Variants in GAS2 observed in about 807,000 individuals in gnomAD.
GAS2 encodes the protein growth arrest-specific protein 2.
Under a neutral mutation model 37.5 loss-of-function variants are expected in GAS2, and 20 were observed. That is an observed-to-expected ratio of 0.53 (90% CI 0.37 to 0.77). GAS2 has a LOEUF of 0.77. GAS2 is among the 30% of genes least tolerant of loss of function. GAS2 has a pLI of 0.00. For synonymous variants in GAS2, 144 were observed against 132.2 expected, an observed-to-expected ratio of 1.09 and a Z score of -0.61; for missense variants, 336 against 373.4, an observed-to-expected ratio of 0.90 and a Z score of 0.82.
At chr11:22,706,464 C>T (rs1285471515) in intron 3 of GAS2, among the ~76,000 whole-genome samples, 1 of 152,058 alleles carries the variant, frequency 6.6e-6, no homozygotes, top group Admixed American at 6.6e-5. Context: ...AGGTATATCT[C>T]CCAATGCTAT....
At chr11:22,810,169 T>C (rs10766968) in intron 7 of GAS2, among the ~76,000 whole-genome samples, 150,505 of 152,288 alleles carry the variant, frequency 0.99, 74,390 homozygotes, top group East Asian at 1. Context: ...ACCTAATAGA[T>C]TAAAATTAAG....
chr11:22,646,289 A>T (rs1473254613), intron 1 of GAS2, among the ~76,000 whole-genome samples: 1 of 152,190 alleles, frequency 6.6e-6, no homozygotes, highest in Non-Finnish European at 1.5e-5. Flanking sequence ...TTTACAGATT[A>T]TAGTTAAAAA....
chr11:22,687,089 G>A (rs1434002720), intron 3 of GAS2, among the ~76,000 whole-genome samples: 1 of 152,192 alleles, frequency 6.6e-6, no homozygotes, highest in Admixed American at 6.5e-5. Flanking sequence ...CTTTGCGGGG[G>A]TCAAGGCAGG....
At chr11:22,698,193 A>G (rs1188355181) in intron 3 of GAS2, among the ~76,000 whole-genome samples, 1 of 152,344 alleles carries the variant, frequency 6.6e-6, no homozygotes, top group African/African-American at 2.4e-5. Context: ...GGATATCACC[A>G]CCCATCCCAC....
At chr11:22,695,996 G>C (rs1250511564) in intron 3 of GAS2, among the ~76,000 whole-genome samples, 1 of 151,750 alleles carries the variant, frequency 6.6e-6, no homozygotes, top group East Asian at 1.9e-4. Context: ...CATTGTGCAG[G>C]TTAGTTACAT....
rs541494627 is a variant in GAS2, at chr11:22,680,906, C to T, written c.146-4762C>T. 7.2e-5 allele frequency among the ~76,000 whole-genome samples: 11 copies of T among 151,736 alleles called. No homozygotes were observed. The South Asian group carries it at 1.3e-3, about 17-fold the overall frequency. ...GTTCCTCTACCCTCGAATTGGGTGA[C>T]CTGAGGCAAGTTACTTAATCTACAC... is the stretch of plus-strand genomic sequence containing the variant. On this transcript the variant is annotated intron_variant, in intron 2 of 7. Coordinates refer to ENST00000454584, the MANE Select transcript of GAS2 (RefSeq NM_001143830.3).
At chr11:22,793,626 A>C (rs1856287341) in intron 7 of GAS2, among the ~76,000 whole-genome samples, 1 of 152,168 alleles carries the variant, frequency 6.6e-6, no homozygotes, top group East Asian at 1.9e-4. Flanking sequence ...AGTTTCTGAG[A>C]GAGAAATATG....
chr11:22,744,874 C>T (rs894572826), intron 5 of GAS2, among the ~76,000 whole-genome samples: 2 of 151,544 alleles, frequency 1.3e-5, no homozygotes, highest in East Asian at 1.9e-4. Flanking sequence ...AAATTATCTC[C>T]CTACAAAAAA....
intron 5 of GAS2, among the ~76,000 whole-genome samples, chr11:22,738,322 T>C (rs1012942167): frequency 6.6e-6 from 1 of 152,188 alleles, no homozygotes; most frequent in Non-Finnish European, 1.5e-5. Flanking sequence ...CTGTTTTTTT[T>C]CTGTAGGAAG....
At chr11:22,629,242 C>G (rs188092757) in intron 1 of GAS2, among the ~76,000 whole-genome samples, 5 of 152,282 alleles carry the variant, frequency 3.3e-5, no homozygotes, top group Admixed American at 3.3e-4. Context: ...TGAGACGTCT[C>G]CATACTGTTT....
chr11:22,698,039 G>GT (rs1292963152), intron 3 of GAS2, among the ~76,000 whole-genome samples: 1 of 152,130 alleles, frequency 6.6e-6, no homozygotes, highest in African/African-American at 2.4e-5. Context: ...CAAAGGGAAT[G>GT]CTTCCAGTTT....
At chr11:22,691,598 A>G (rs1850248078) in intron 3 of GAS2, among the ~76,000 whole-genome samples, 1 of 152,284 alleles carries the variant, frequency 6.6e-6, no homozygotes, top group East Asian at 1.9e-4. Flanking sequence ...CTTAAAATTT[A>G]TTGTTCTAAA....
rs962562509 is a variant in GAS2 at position 22,764,959 on chromosome 11, T to C, written c.723+9006T>C. ...ACATGCTACCTTACTTCAGTTTGAA[T>C]AATTTTCTTTTGCCATTATGCTGTA... On this transcript the variant is annotated intron_variant, in intron 7 of 7. Coordinates refer to ENST00000454584, the MANE Select transcript of GAS2 (RefSeq NM_001143830.3). Among the ~76,000 whole-genome samples the C allele has an allele frequency of 4.6e-5, 7 of 152,338 alleles. 1 individual carries two copies. In the Middle Eastern group the frequency reaches 0.017, roughly 370 times the overall value.
chr11:22,691,127 A>G lies in GAS2; in HGVS notation c.267+5338A>G, dbSNP rs1850228243. On this transcript the variant is annotated intron_variant, in intron 3 of 7. Transcript: ENST00000454584. ...AGCAGATGAAGGAGGGGGCGGGGGG[A>G]AAAGAAGTTCTGTTACCTAGTAGAA... Among the ~76,000 whole-genome samples, 2 of 151,968 alleles carry G rather than the reference A, an allele frequency of 1.3e-5. 1 individual carries two copies. The highest frequency in any genetic ancestry group is 4.2e-4 in the South Asian group (2 of 4,812).
intron 3 of GAS2, among the ~76,000 whole-genome samples, chr11:22,696,275 T>A (rs2133995070): frequency 6.6e-6 from 1 of 152,084 alleles, no homozygotes; most frequent in Non-Finnish European, 1.5e-5. Flanking sequence ...CATGAACTCA[T>A]CATTTTTTAT....
intron 7 of GAS2, among the ~76,000 whole-genome samples, chr11:22,805,209 GTCC>G (rs1446064807): frequency 6.6e-6 from 1 of 151,766 alleles, no homozygotes; most frequent in Non-Finnish European, 1.5e-5. Flanking sequence ...TTATATATGG[GTCC>G]TCTTCTATTT....
chr11:22,805,944 T>C (rs1329660933), intron 7 of GAS2, among the ~76,000 whole-genome samples: 2 of 152,080 alleles, frequency 1.3e-5, no homozygotes, highest in African/African-American at 4.8e-5. Flanking sequence ...ATCGCCAGCT[T>C]GGTTTTGATG....
At chr11:22,662,477 T>C (rs1324406335), upstream of GAS2, among the ~76,000 whole-genome samples, 1 of 152,224 alleles carries the variant, frequency 6.6e-6, no homozygotes, top group African/African-American at 2.4e-5. Flanking sequence ...GTCTACTATA[T>C]GTCTAATGAT....
intron 7 of GAS2, among the ~76,000 whole-genome samples, chr11:22,785,846 A>G (rs377462856): frequency 1.7e-4 from 22 of 129,230 alleles, no homozygotes; most frequent in African/African-American, 6.2e-4. Context: ...TTTTTCGGGG[A>G]ACTGGCATTA....
Sources: allele counts gnomAD v4.1 joint callset (sites outside exome capture counted in the v4.1 genomes callset), GRCh38; gene constraint gnomAD v4.1.1; transcripts MANE v1.5; gene names NCBI Gene and HGNC (gene_info 2026-07-23, HGNC 2026-07-21).